The following DYDC1 variants were observed in gnomAD, a reference collection of about 807,000 sequenced individuals.
DYDC1 encodes DPY30 domain-containing protein 1.
Under a neutral mutation model 27.9 loss-of-function variants are expected in DYDC1, and 21 were observed. The ratio of observed to expected loss-of-function variants is 0.75; its 90% CI spans 0.53 to 1.08. DYDC1 has a LOEUF of 1.08. Among genes scored for constraint, DYDC1 ranks in the 50% least tolerant of loss-of-function variants. The probability of loss-of-function intolerance (pLI) is 0.00; values close to 1 mark genes in which losing one functional copy is unlikely to be tolerated. For synonymous variants in DYDC1, 67 were observed against 65.8 expected, an observed-to-expected ratio of 1.02 and a Z score of -0.09; for missense variants, 202 against 205.9, an observed-to-expected ratio of 0.98 and a Z score of 0.12.
downstream of DYDC1, chr10:80,336,056 A>AT (rs1564656956): frequency 1.3e-6 from 1 of 756,486 alleles, no homozygotes; most frequent in Non-Finnish European, 2.2e-6. Context: ...GGAAAAAAAA[A>AT]GGGGAGTTCA....
intron 6 of DYDC1, 98 bp downstream of exon 6, chr10:80,338,369 T>C (rs1331134910): frequency 6.7e-7 from 1 of 1,502,006 alleles, no homozygotes; most frequent in Admixed American, 2.4e-5. Context: ...TGCCAACCAA[T>C]CCTGGCCTAG....
At chr10:80,356,585 T>C in intron 1 of DYDC1, 127 bp downstream of exon 1, 3 of 985,470 alleles carry the variant, frequency 3.0e-6, no homozygotes, top group Non-Finnish European at 3.6e-6. Context: ...AAGCGGCCTC[T>C]CTCCGCCTCA....
In DYDC1 at chr10:80,352,524, T is replaced by C. The variant is rs560221765; in HGVS notation, c.78A>G (p.Pro26=). Residue 26 remains proline (P), a synonymous_variant, in exon 2 of 7, where the codon CCA becomes CCG. Coordinates refer to ENST00000372202, the MANE Select transcript of DYDC1 (RefSeq NM_001269053.2). ...ATGCTAAATATTCTATCGGATCCAC[T>C]GGGCGAACTCTTGCCACTTCTGCAA... ...QGLAEVARVR[P]VDPIEYLALW... 1 of 1,613,752 alleles carries C rather than the reference T, an allele frequency of 6.2e-7. No homozygotes were observed. Among genetic ancestry groups the C allele is most frequent in the Admixed American group, 1.7e-5 (1 of 59,904 alleles).
At chr10:80,352,049 C>T (rs755385591) in intron 2 of DYDC1, 47 bp from the exon 3 acceptor site, 85 of 1,584,318 alleles carry the variant, frequency 5.4e-5, no homozygotes, top group Non-Finnish European at 1.1e-5. Context: ...AGCGAGAAAG[C>T]AATTTGTAAA....
At chr10:80,338,037 A>AT in intron 6 of DYDC1, 1 of 971,952 alleles carries the variant, frequency 1.0e-6, no homozygotes, top group African/African-American at 1.8e-5. Context: ...CATCAGGCAC[A>AT]GTGCCTGGCA....
chr10:80,343,055 T>C (rs937351765), intron 3 of DYDC1, among the ~76,000 whole-genome samples: 1 of 151,546 alleles, frequency 6.6e-6, no homozygotes, highest in African/African-American at 2.4e-5. Flanking sequence ...ATATATTTGC[T>C]CCCAACTCAG....
intron 3 of DYDC1, chr10:80,344,658 G>A (rs1564661425): frequency 5.1e-6 from 1 of 195,484 alleles, no homozygotes; most frequent in South Asian, 8.5e-5. Flanking sequence ...GGTCTTCCCT[G>A]TGCTATTCTC....
rs192594689 is a variant in DYDC1 at position 80,346,686 on chromosome 10, T to A, written c.250-4325A>T. 5.9e-4 allele frequency among the ~76,000 whole-genome samples: 89 copies of A among 151,544 alleles called. 2 individuals are homozygous for A. The highest frequency in any genetic ancestry group is 2.1e-3 in the African/African-American group (88 of 41,342). On this transcript the variant is annotated intron_variant, in intron 3 of 6. Transcript: ENST00000372202. ...CATGTTAGCTAGGATGGTCTCAATC[T>A]CCTGACTTTGTGATCTGCCCGCCTC...
chr10:80,337,498 C>A, intron 6 of DYDC1: 1 of 944,976 alleles, frequency 1.1e-6, no homozygotes, highest in Non-Finnish European at 1.3e-6. Flanking sequence ...TTCTTCCCCA[C>A]ACTGTTACCA....
chr10:80,352,464 C>T lies in DYDC1; in HGVS notation c.138G>A (p.Met46Ile). ...WIYKYKENVT[M>I]EQLRQKEMAK... Reference sequence around the variant, plus strand: ...GGAGATTCCTACTTACCAGTTGTTCCATGGTCACATTTTCCTTATACTTGT... The same window carrying T: ...GGAGATTCCTACTTACCAGTTGTTCTATGGTCACATTTTCCTTATACTTGT... The change falls in exon 2 of 7, where the codon ATG (methionine) becomes ATA (isoleucine). Residue 46 changes from methionine (M) to isoleucine (I), a missense_variant. Transcript: ENST00000372202. 1 of 1,601,268 alleles carries T rather than the reference C, an allele frequency of 6.2e-7. No homozygotes were observed. The highest frequency in any genetic ancestry group is 8.5e-7 in the Non-Finnish European group (1 of 1,174,898).
At chr10:80,356,603 C>A (rs944860876) in intron 1 of DYDC1, 109 bp downstream of exon 1, 1 of 985,396 alleles carries the variant, frequency 1.0e-6, no homozygotes, top group Non-Finnish European at 1.2e-6. Context: ...TCAGGTGAGT[C>A]CTGCTCGACG....
intron 4 of DYDC1, among the ~76,000 whole-genome samples, chr10:80,339,783 G>A (rs957544499): frequency 6.6e-6 from 1 of 152,304 alleles, no homozygotes; most frequent in Non-Finnish European, 1.5e-5. Context: ...GCTGCTAGAA[G>A]ACCAGTGATT....
rs11202638 is a variant in DYDC1 at position 80,347,724 on chromosome 10, G to A, written c.249+4177C>T. Among the ~76,000 whole-genome samples the A allele has an allele frequency of 6.6e-3, 1,009 of 152,158 alleles. 33 individuals carry two copies. In the East Asian group the frequency reaches 0.068, roughly 10 times the overall value. On this transcript the variant is annotated intron_variant, in intron 3 of 6. Coordinates refer to ENST00000372202, the MANE Select transcript of DYDC1 (RefSeq NM_001269053.2). ...TTGAAGAGACTATCCTTTTCCCTTT[G>A]TGTTTTCTTGCAGGGCTTGTCAAAA...
intron 2 of DYDC1, 21 bp downstream of exon 2, chr10:80,352,434 T>C (rs1227266126): frequency 1.3e-6 from 2 of 1,557,288 alleles, no homozygotes; most frequent in Non-Finnish European, 1.7e-6. Context: ...TCTAATTTCC[T>C]AGAAGGAGAT....
intron 6 of DYDC1, chr10:80,336,466 A>G: frequency 3.6e-6 from 2 of 553,460 alleles, no homozygotes; most frequent in Non-Finnish European, 4.6e-6. Context: ...TAGAATTGCT[A>G]ATGGTTCCTC....
rs370420947 is a variant in DYDC1, at chr10:80,340,491, A to T, written c.343-1338T>A. Among the ~76,000 whole-genome samples the T allele has an allele frequency of 3.9e-4, 60 of 152,330 alleles. No individual in the cohort carries two copies. In the South Asian group the frequency reaches 0.012, roughly 30 times the overall value. On this transcript the variant is annotated intron_variant, in intron 4 of 6. Transcript: ENST00000372202. ...TCACACAAGCTGATGATGTCTGGAG[A>T]TAGTAAAATAACATGAGTGTGGCTC...
rs935061551 is a variant in DYDC1 at position 80,356,595 on chromosome 10, A to C, written c.-10+117T>G. On this transcript the variant is annotated intron_variant, in intron 1 of 6. Coordinates refer to ENST00000372202, the MANE Select transcript of DYDC1 (RefSeq NM_001269053.2). The stretch of plus-strand genomic sequence containing the variant: ...GCGCGAAGCGGCCTCTCTCCGCCTC[A>C]GGTGAGTCCTGCTCGACGCCCAAGG... 3.0e-6 allele frequency: 3 copies of C among 985,376 alleles called. No homozygotes were observed. In the African/African-American group the frequency reaches 5.2e-5, roughly 17 times the overall value. 61.0% of individuals were successfully genotyped at this position (985,376 alleles called of 1,614,324 possible). A position where few individuals can be genotyped will look rare whatever the true frequency, so the allele number is the denominator to read the frequency against.
At chr10:80,336,048 A>G (rs72815321), downstream of DYDC1, 14,281 of 677,674 alleles carry the variant, frequency 0.021, 201 homozygotes, top group Non-Finnish European at 0.028. Flanking sequence ...TCCTTAGAGG[A>G]AAAAAAAAGG....
chr10:80,346,920 C>CA (rs981136001), intron 3 of DYDC1, among the ~76,000 whole-genome samples: 33 of 146,840 alleles, frequency 2.2e-4, no homozygotes, highest in South Asian at 6.6e-4. Flanking sequence ...ACTAAAAATA[C>CA]AAAAAAAAAA....
Sources: allele counts gnomAD v4.1 joint callset (sites outside exome capture counted in the v4.1 genomes callset), GRCh38; gene constraint gnomAD v4.1.1; transcripts MANE v1.5; gene names NCBI Gene and HGNC (gene_info 2026-07-23, HGNC 2026-07-21).